GRIK1: variants seen among roughly 807,000 people sequenced by gnomAD.
GRIK1 encodes the protein glutamate ionotropic receptor kainate type subunit 1.
In GRIK1, 69 loss-of-function variants were observed where a neutral mutation model predicts 105.7. That is an observed-to-expected ratio of 0.65 (90% confidence interval 0.54 to 0.80). GRIK1 has a LOEUF of 0.80. GRIK1 is among the 30% of genes least tolerant of loss of function. The pLI is 0.00. For synonymous variants in GRIK1, 438 were observed against 431.3 expected (o/e 1.02, Z -0.19); for missense variants, 1,109 against 1,167.3 (o/e 0.95, Z 0.73).
At chr21:29,777,988 A>G (rs1281027364) in intron 1 of GRIK1, among the ~76,000 whole-genome samples, 1 of 152,168 alleles carries the variant, frequency 6.6e-6, no homozygotes, top group African/African-American at 2.4e-5. Context: ...GGCTGTGGGA[A>G]CTGCAGCAGA....
intron 1 of GRIK1, among the ~76,000 whole-genome samples, chr21:29,839,586 T>C (rs1209131816): frequency 6.6e-6 from 1 of 152,170 alleles, no homozygotes; most frequent in African/African-American, 2.4e-5. Flanking sequence ...ACTTAGGGAT[T>C]TGAGCTGATA....
In GRIK1 at chr21:29,589,016, T is replaced by C. The variant is rs769120062; in HGVS notation, c.1392A>G (p.Lys464=). 2.5e-6 allele frequency: 4 copies of C among 1,596,672 alleles called. No individual in the cohort carries two copies. Among genetic ancestry groups the C allele is most frequent in the Non-Finnish European group, 3.4e-6 (4 of 1,164,210 alleles). The part of the protein sequence containing the change: ...ILEEPYVMYR[K]SDKPLYGNDR... Reference sequence around the variant, plus strand: ...CATTTCCATATAGAGGCTTATCAGATTTCCTGTACATAACATAGGGTTCTT... The same window carrying C: ...CATTTCCATATAGAGGCTTATCAGACTTCCTGTACATAACATAGGGTTCTT... The change falls in exon 11 of 18, where the codon AAA becomes AAG. Residue 464 remains lysine (K), a synonymous_variant. Transcript: ENST00000327783.
chr21:29,907,469 A>G (rs1281705814), intron 1 of GRIK1, among the ~76,000 whole-genome samples: 2 of 152,160 alleles, frequency 1.3e-5, no homozygotes, highest in African/African-American at 4.8e-5. Flanking sequence ...ATAGTCTGAC[A>G]GTCTCCTTCA....
chr21:29,607,534 G>A (rs1325660639), intron 7 of GRIK1, among the ~76,000 whole-genome samples: 2 of 152,088 alleles, frequency 1.3e-5, no homozygotes, highest in Non-Finnish European at 2.9e-5. Context: ...CAGAGAAACT[G>A]AAGTTTAAAT....
At chr21:29,773,828 A>G (rs1163368949) in intron 1 of GRIK1, among the ~76,000 whole-genome samples, 1 of 152,184 alleles carries the variant, frequency 6.6e-6, no homozygotes, top group Admixed American at 6.5e-5. Flanking sequence ...TTTTGTGGAA[A>G]AATCTGTCAT....
intron 12 of GRIK1, among the ~76,000 whole-genome samples, chr21:29,586,140 A>G (rs1039646508): frequency 1.3e-5 from 2 of 152,236 alleles, no homozygotes; most frequent in African/African-American, 2.4e-5. Context: ...CATACTGTCA[A>G]TATTTTATTT....
chr21:29,939,451 G>T lies in GRIK1; in HGVS notation c.50C>A (p.Thr17Asn), dbSNP rs756292525. Residue 17 changes from threonine to asparagine, a missense_variant, in exon 1 of 18, where the codon ACC becomes AAC. Physicochemically the swap from Thr to Asn is moderately conservative, Grantham distance 65 (BLOSUM62 0). Transcript: ENST00000327783. ...GAGGAAATAGAGGAGTGCCCAGCTG[G>T]TGTCCCTGGTCCAGAGCCCGGGCTG... ...LAQPGLWTRD[T>N]SWALLYFLCY... 46 of 1,602,250 alleles carry T rather than the reference G, an allele frequency of 2.9e-5. No individual in the cohort carries two copies. Among genetic ancestry groups the T allele is most frequent in the Non-Finnish European group, 3.7e-5 (44 of 1,174,216 alleles).
At chr21:29,759,490 A>C (rs2065452978) in intron 1 of GRIK1, among the ~76,000 whole-genome samples, 1 of 152,222 alleles carries the variant, frequency 6.6e-6, no homozygotes, top group African/African-American at 2.4e-5. Flanking sequence ...TATATGAAAC[A>C]CCTGGTGAAT....
chr21:29,691,417 A>G (rs2063582266), intron 2 of GRIK1, among the ~76,000 whole-genome samples: 1 of 152,202 alleles, frequency 6.6e-6, no homozygotes, highest in African/African-American at 2.4e-5. Flanking sequence ...TTTTTCTCTG[A>G]ATCTTGTGCT....
intron 1 of GRIK1, among the ~76,000 whole-genome samples, chr21:29,923,677 C>T (rs1269779545): frequency 1.3e-5 from 2 of 152,140 alleles, no homozygotes; most frequent in Non-Finnish European, 2.9e-5. Context: ...ATCTTAAGCC[C>T]ATGGTAGTAC....
chr21:29,704,989 T>C (rs927231699), intron 1 of GRIK1, among the ~76,000 whole-genome samples: 2 of 152,248 alleles, frequency 1.3e-5, no homozygotes, highest in Non-Finnish European at 2.9e-5. Flanking sequence ...CTCATTTAAA[T>C]GACTCATATT....
chr21:29,907,314 G>A (rs2070679197), intron 1 of GRIK1, among the ~76,000 whole-genome samples: 1 of 151,996 alleles, frequency 6.6e-6, no homozygotes, highest in Admixed American at 6.5e-5. Context: ...ACTCAAGTGT[G>A]TGCCATACTG....
intron 4 of GRIK1, among the ~76,000 whole-genome samples, chr21:29,656,787 A>G (rs965810255): frequency 2.0e-5 from 3 of 152,220 alleles, no homozygotes; most frequent in African/African-American, 7.2e-5. Flanking sequence ...ATGACAGCAC[A>G]TAACTGCATG....
intron 1 of GRIK1, among the ~76,000 whole-genome samples, chr21:29,733,104 G>A (rs944452639): frequency 6.6e-6 from 1 of 152,020 alleles, no homozygotes; most frequent in African/African-American, 2.4e-5. Context: ...TGTTCCTTGG[G>A]GCCTTGCTAC....
chr21:29,859,177 A>G (rs1327365332), intron 1 of GRIK1, among the ~76,000 whole-genome samples: 1 of 148,786 alleles, frequency 6.7e-6, no homozygotes, highest in South Asian at 2.2e-4. Context: ...ACACTTGGAC[A>G]CAGGAAGGGG....
chr21:29,822,965 G>A (rs974026475), intron 1 of GRIK1, among the ~76,000 whole-genome samples: 12 of 151,960 alleles, frequency 7.9e-5, no homozygotes, highest in Admixed American at 3.3e-4. Flanking sequence ...ATGAGAAGGG[G>A]CTGGGACCTC....
rs191376979 is a variant in GRIK1, at chr21:29,651,201, A to G, written c.871T>C (p.Ser291Pro). 1 of 1,613,722 alleles carries G rather than the reference A, an allele frequency of 6.2e-7. No homozygotes were observed. Among genetic ancestry groups the G allele is most frequent in the African/African-American group, 1.3e-5 (1 of 75,022 alleles). Reference sequence around the variant, plus strand: ...ATGGACCACTTCTCAATGATGGATGACACGTGAGGGTTGTCAATGTTAAGC... The same window carrying G: ...ATGGACCACTTCTCAATGATGGATGGCACGTGAGGGTTGTCAATGTTAAGC... The part of the protein sequence containing the change: ...RLLNIDNPHV[S>P]SIIEKWSMER... Residue 291 changes from serine (S) to proline (P), a missense_variant, in exon 6 of 18, where the codon TCA becomes CCA. Ser to Pro is a moderately conservative substitution (Grantham distance 74). Coordinates refer to ENST00000327783, the MANE Select transcript of GRIK1 (RefSeq NM_001330994.2).
chr21:29,849,963 T>C (rs1178536423), intron 1 of GRIK1, among the ~76,000 whole-genome samples: 1 of 152,152 alleles, frequency 6.6e-6, no homozygotes, highest in African/African-American at 2.4e-5. Context: ...ATACTCTCTC[T>C]CACCCTCTCA....
intron 10 of GRIK1, 96 bp from the exon 11 acceptor site, chr21:29,589,138 T>G: frequency 1.4e-6 from 1 of 712,836 alleles, no homozygotes; most frequent in Non-Finnish European, 2.4e-6. Flanking sequence ...TGATAATGAT[T>G]TTGAAGAGCT....
Sources: gnomAD v4.1 joint callset for allele counts (sites outside exome capture counted in the v4.1 genomes callset) on GRCh38, gnomAD v4.1.1 for gene constraint, MANE v1.5 for transcripts, NCBI Gene and HGNC (gene_info 2026-07-23, HGNC 2026-07-21) for gene names.